The following TANC1 variants were observed in gnomAD, a reference collection of about 807,000 sequenced individuals.
The protein encoded by TANC1 is tetratricopeptide repeat, ankyrin repeat and coiled-coil containing 1.
TANC1 carries 77 observed loss-of-function variants against 149.7 expected under a neutral mutation model. That is an observed-to-expected ratio of 0.51 (90% CI 0.43 to 0.62). The LOEUF is 0.62. TANC1 is among the 20% of genes least tolerant of loss of function. The pLI is 0.00. For synonymous variants in TANC1, 854 were observed against 925.0 expected (o/e 0.92, Z 1.39); for missense variants, 1,985 against 2,321.8 (o/e 0.85, Z 2.98).
In TANC1 at chr2:158,992,960, C is replaced by G. The variant is rs551349040; in HGVS notation, c.-125-8120C>G. Reference sequence around the variant, plus strand: ...TTTACTCGTGTGTTCTCCATCACAGCCGCGTTAGTTTACTGCCTTCATGCT... The same window carrying G: ...TTTACTCGTGTGTTCTCCATCACAGGCGCGTTAGTTTACTGCCTTCATGCT... On this transcript the variant is annotated intron_variant, in intron 1 of 26. Coordinates refer to ENST00000263635, the MANE Select transcript of TANC1 (RefSeq NM_033394.3). 4.3e-4 allele frequency among the ~76,000 whole-genome samples: 62 copies of G among 145,518 alleles called. 1 individual carries two copies. The highest frequency in any genetic ancestry group is 7.9e-4 in the Non-Finnish European group (50 of 63,320).
At chr2:159,133,311 AG>A (rs751118730) in intron 4 of TANC1, among the ~76,000 whole-genome samples, 3 of 151,096 alleles carry the variant, frequency 2.0e-5, no homozygotes, top group Non-Finnish European at 4.4e-5. Context: ...GCAAACCAAA[AG>A]TGTATATGGG....
chr2:159,127,505 C>T lies in TANC1; in HGVS notation c.260-8689C>T, dbSNP rs948831022. Among the ~76,000 whole-genome samples, 21 of 152,182 alleles carry T rather than the reference C, an allele frequency of 1.4e-4. No individual in the cohort carries two copies. In the East Asian group the frequency reaches 2.7e-3, roughly 20 times the overall value. On this transcript the variant is annotated intron_variant, in intron 4 of 26. Transcript: ENST00000263635. ...AAATCTTTCTGTAAAGACGTGCACA[C>T]GTATGTTTATTGTGGCACTATTCAC...
Position 159,096,522 on chromosome 2 carries a change from T to C in TANC1, c.62-1115T>C, listed in dbSNP as rs112934827. Among the ~76,000 whole-genome samples, 706 of 152,316 alleles carry C rather than the reference T, an allele frequency of 4.6e-3. 4 individuals carry two copies. The highest frequency in any genetic ancestry group is 0.016 in the African/African-American group (657 of 41,576). ...CTGCAGAAAGGGTGCTCATCACAGA[T>C]GGAACAATGGCGAGAGCACACCTGG... On this transcript the variant is annotated intron_variant, in intron 3 of 26. Transcript: ENST00000263635.
rs11890564 is a variant in TANC1, at chr2:159,200,679, A to C, written c.3244+1626A>C. Reference sequence around the variant, plus strand: ...CATGAGAAACAACAGACTTCCCACCAGTCTTTATCTAGATCAGAATTCTTG... The same window carrying C: ...CATGAGAAACAACAGACTTCCCACCCGTCTTTATCTAGATCAGAATTCTTG... On this transcript the variant is annotated intron_variant, in intron 19 of 26. Coordinates refer to ENST00000263635, the MANE Select transcript of TANC1 (RefSeq NM_033394.3). 5.1e-3 allele frequency among the ~76,000 whole-genome samples: 782 copies of C among 152,242 alleles called. 5 individuals carry two copies. Among genetic ancestry groups the C allele is most frequent in the African/African-American group, 0.017 (701 of 41,536 alleles).
chr2:159,112,471 G>A (rs1356659146), intron 4 of TANC1, among the ~76,000 whole-genome samples: 1 of 151,468 alleles, frequency 6.6e-6, no homozygotes, highest in African/African-American at 2.4e-5. Context: ...GCCCAGGCTG[G>A]TGTCAAACTC....
intron 2 of TANC1, among the ~76,000 whole-genome samples, chr2:159,042,643 G>C (rs7581722): frequency 0.07 from 10,600 of 152,082 alleles, 563 homozygotes; most frequent in East Asian, 0.16. Context: ...TCTGAGCACA[G>C]AGAAAGGGCT....
At chr2:159,021,589 G>A (rs1267042959) in intron 2 of TANC1, among the ~76,000 whole-genome samples, 3 of 152,012 alleles carry the variant, frequency 2.0e-5, no homozygotes, top group African/African-American at 7.2e-5. Context: ...ACTCCAGCCT[G>A]GGCAATGTAA....
chr2:159,005,339 C>T (rs1414615708), intron 2 of TANC1, among the ~76,000 whole-genome samples: 5 of 152,118 alleles, frequency 3.3e-5, no homozygotes, highest in Admixed American at 2.6e-4. Context: ...GCCTATAATC[C>T]GCGCACTTTG....
rs776554799 is a variant in TANC1, at chr2:159,169,381, C to G, written c.1069+9C>G. The G allele has an allele frequency of 1.1e-5, 18 of 1,613,086 alleles. No homozygotes were observed. The Middle Eastern group carries it at 5.0e-4, about 44-fold the overall frequency. Reference sequence around the variant, plus strand: ...GGCACAGGAAGTTAAAGGTATTTATCCTGGCATCAGCTGCGATAATGGTTA... The same window carrying G: ...GGCACAGGAAGTTAAAGGTATTTATGCTGGCATCAGCTGCGATAATGGTTA... On this transcript the variant is annotated intron_variant, in intron 9 of 26. Transcript: ENST00000263635.
At position 159,228,903 on chromosome 2, in the gene TANC1, T is replaced by A; in HGVS notation, c.4151+7T>A. On this transcript the variant is annotated splice_region_variant and intron_variant, in intron 26 of 26. Coordinates refer to ENST00000263635, the MANE Select transcript of TANC1 (RefSeq NM_033394.3). ...GAGCGAAGAGAAATAGCAGGTACCGTCTGTGGTTATCTTTGTGTCTAGAGC... is the reference window on the plus strand; with the variant it reads ...GAGCGAAGAGAAATAGCAGGTACCGACTGTGGTTATCTTTGTGTCTAGAGC... 6.2e-7 allele frequency: 1 copy of A among 1,607,066 alleles called. No homozygotes were observed. Among genetic ancestry groups the A allele is most frequent in the Non-Finnish European group, 8.5e-7 (1 of 1,173,756 alleles).
chr2:159,185,905 A>T lies in TANC1; in HGVS notation c.2619+6A>T. The stretch of plus-strand genomic sequence containing the variant: ...TGAAGGCGCACATTTTCAAGGTGAG[A>T]TGCACACCAACTTGGGGAAGGGTTT... On this transcript the variant is annotated splice_donor_region_variant and intron_variant, in intron 15 of 26. Transcript: ENST00000263635. 1 of 1,593,518 alleles carries T rather than the reference A, an allele frequency of 6.3e-7. No individual in the cohort carries two copies. Among genetic ancestry groups the T allele is most frequent in the Non-Finnish European group, 8.6e-7 (1 of 1,161,360 alleles).
chr2:159,192,593 T>G (rs1255917341), intron 16 of TANC1, among the ~76,000 whole-genome samples: 2 of 152,308 alleles, frequency 1.3e-5, no homozygotes, highest in East Asian at 3.9e-4. Context: ...ATATAATGAA[T>G]CAGAAATCAG....
chr2:158,974,663 C>A (rs535039063), intron 1 of TANC1, among the ~76,000 whole-genome samples: 7 of 151,980 alleles, frequency 4.6e-5, no homozygotes, highest in Non-Finnish European at 8.8e-5. Flanking sequence ...GAACTCCTGA[C>A]CTCAGGTGAT....
At chr2:159,096,926 G>A (rs1011245079) in intron 3 of TANC1, among the ~76,000 whole-genome samples, 1 of 152,146 alleles carries the variant, frequency 6.6e-6, no homozygotes. Flanking sequence ...CTGACATACT[G>A]GTTTTTTTGA....
intron 25 of TANC1, 184 bp downstream of exon 25, chr2:159,228,149 C>T (rs1238825432): frequency 3.6e-5 from 23 of 643,508 alleles, no homozygotes; most frequent in East Asian, 5.6e-5. Context: ...ACGGCTGCTA[C>T]GCTCCTCGCA....
At chr2:158,997,987 C>T (rs1276210810) in intron 1 of TANC1, among the ~76,000 whole-genome samples, 1 of 152,162 alleles carries the variant, frequency 6.6e-6, no homozygotes, top group Admixed American at 6.6e-5. Context: ...TTTAACACAA[C>T]CAGCAGTAAA....
chr2:158,999,000 G>A (rs2036392670), intron 1 of TANC1, among the ~76,000 whole-genome samples: 1 of 152,160 alleles, frequency 6.6e-6, no homozygotes, highest in Non-Finnish European at 1.5e-5. Flanking sequence ...ACAGACTTGG[G>A]GATTTGCCCA....
intron 4 of TANC1, among the ~76,000 whole-genome samples, chr2:159,131,420 C>T (rs906780101): frequency 2.0e-5 from 3 of 152,024 alleles, no homozygotes; most frequent in African/African-American, 7.2e-5. Context: ...TTCAACCAGC[C>T]ACACTACTGG....
In TANC1 at chr2:159,065,967, A is replaced by G. The variant is rs1257723140; in HGVS notation, c.57A>G (p.Glu19=). The change falls in exon 3 of 27, where the codon GAA becomes GAG. Residue 19 remains glutamate, a synonymous_variant. Transcript: ENST00000263635. The stretch of plus-strand genomic sequence containing the variant: ...AGGGAGGAAAGGGAGGCAAGAAGGA[A>G]GCAGGTATGTGTGCAAGAATGAGAA... ...SREGGKGGKK[E]AGSDFGPETS... 9 of 1,612,842 alleles carry G rather than the reference A, an allele frequency of 5.6e-6. No homozygotes were observed. The African/African-American group carries it at 1.1e-4, about 19-fold the overall frequency.
Sources: allele counts gnomAD v4.1 joint callset (sites outside exome capture counted in the v4.1 genomes callset), GRCh38; gene constraint gnomAD v4.1.1; transcripts MANE v1.5; gene names NCBI Gene and HGNC (gene_info 2026-07-23, HGNC 2026-07-21).